Variants in MYOM1 observed in about 807,000 individuals in gnomAD.
MYOM1 encodes the protein myomesin-1.
In MYOM1, 164 loss-of-function variants were observed where a neutral mutation model predicts 205.3. The observed-to-expected ratio is 0.80, with a 90% CI of 0.70 to 0.91. The LOEUF (loss-of-function observed/expected upper bound fraction) is 0.91, where lower values mean the gene tolerates loss of function less well. Ranked by LOEUF, MYOM1 falls within the 40% of genes least tolerant of loss-of-function variation. The probability of loss-of-function intolerance (pLI) is 0.00; values close to 1 mark genes in which losing one functional copy is unlikely to be tolerated. For missense variants in MYOM1, 2,011 were observed against 2,127.3 expected, an observed-to-expected ratio of 0.95 and a Z score of 1.08; for synonymous variants, 772 against 789.4, an observed-to-expected ratio of 0.98 and a Z score of 0.37.
intron 14 of MYOM1, among the ~76,000 whole-genome samples, chr18:3,136,001 A>G (rs1452594183): frequency 6.6e-6 from 1 of 152,034 alleles, no homozygotes; most frequent in Non-Finnish European, 1.5e-5. Flanking sequence ...TGTGGGAGGG[A>G]CCTGGTGGGA....
chr18:3,218,901 A>C (rs1038616735), intron 1 of MYOM1, among the ~76,000 whole-genome samples: 4 of 152,094 alleles, frequency 2.6e-5, no homozygotes, highest in African/African-American at 9.7e-5. Context: ...AATACTTACT[A>C]TTCCTCTCAC....
chr18:3,090,656 ACCATCT>A lies in MYOM1; in HGVS notation c.4005_4009+1del. On this transcript the variant is annotated splice_donor_variant and coding_sequence_variant, in exon 27 of 38. Transcript: ENST00000356443. LOFTEE classifies it high-confidence loss of function. The stretch of plus-strand genomic sequence containing the variant: ...CTGGTTAATGTTCCACGGAATTCTT[ACCATCT>A]CCAACGAGAACAACAGTAGAATGGT... 6.2e-7 allele frequency: 1 copy of A among 1,613,958 alleles called. No homozygotes were observed. The highest frequency in any genetic ancestry group is 1.1e-5 in the South Asian group (1 of 91,082).
At chr18:3,125,078 C>T (rs2079759592) in intron 19 of MYOM1, among the ~76,000 whole-genome samples, 1 of 152,154 alleles carries the variant, frequency 6.6e-6, no homozygotes, top group Admixed American at 6.5e-5. Context: ...TCATTTGACA[C>T]TCAGATTGTC....
chr18:3,071,297 T>C (rs1340245778), intron 37 of MYOM1, among the ~76,000 whole-genome samples: 1 of 152,218 alleles, frequency 6.6e-6, no homozygotes, highest in Non-Finnish European at 1.5e-5. Flanking sequence ...GGTCTACATA[T>C]GTCTATTAGA....
At chr18:3,225,955 C>T in the MYOM1 span, among the ~76,000 whole-genome samples, 1 of 152,138 alleles carries the variant, frequency 6.6e-6, no homozygotes, top group Non-Finnish European at 1.5e-5. Flanking sequence ...CAGTGATTGT[C>T]AGTAAATGAT....
At chr18:3,181,351 G>A (rs960021717) in intron 5 of MYOM1, among the ~76,000 whole-genome samples, 1 of 152,144 alleles carries the variant, frequency 6.6e-6, no homozygotes, top group Admixed American at 6.5e-5. Context: ...GAGAGAGAGA[G>A]AGATCCCATT....
intron 5 of MYOM1, among the ~76,000 whole-genome samples, chr18:3,176,384 A>G (rs1020283305): frequency 2.0e-5 from 3 of 152,234 alleles, no homozygotes; most frequent in Non-Finnish European, 2.9e-5. Flanking sequence ...TCACAGCAAT[A>G]TGGCTGAATA....
Position 3,135,428 on chromosome 18 carries a change from G to C in MYOM1, c.2209+119C>G. On this transcript the variant is annotated intron_variant, in intron 15 of 37. Transcript: ENST00000356443. This position sits in a 1 kb window ranked among gnomAD's most constrained non-coding sequence, Gnocchi z 4.1. ...AATGTATAGGTTAAGTACAGCCATCGAGTAAATTTATAATATGAAAGAAGG... is the reference window on the plus strand; with the variant it reads ...AATGTATAGGTTAAGTACAGCCATCCAGTAAATTTATAATATGAAAGAAGG... 1 of 869,752 alleles carries C rather than the reference G, an allele frequency of 1.1e-6. No individual in the cohort carries two copies. Among genetic ancestry groups the C allele is most frequent in the Non-Finnish European group, 1.7e-6 (1 of 582,064 alleles). 53.9% of individuals were successfully genotyped at this position (869,752 alleles called of 1,614,324 possible). A position where few individuals can be genotyped will look rare whatever the true frequency, so the allele number is the denominator to read the frequency against.
chr18:3,089,615 G>A lies in MYOM1; in HGVS notation c.4010-19C>T. 6.3e-7 allele frequency: 1 copy of A among 1,598,344 alleles called. No individual in the cohort carries two copies. The highest frequency in any genetic ancestry group is 8.5e-7 in the Non-Finnish European group (1 of 1,172,602). ...TTGAAAACTACAAATTGAAAAACAA[G>A]GAAGTGTGAAATTGAGTTGGGTGGT... On this transcript the variant is annotated intron_variant, in intron 27 of 37. Coordinates refer to ENST00000356443, the MANE Select transcript of MYOM1 (RefSeq NM_003803.4).
At chr18:3,149,111 C>T (rs1370911796) in intron 13 of MYOM1, 34 bp downstream of exon 13, 1 of 1,596,294 alleles carries the variant, frequency 6.3e-7, no homozygotes, top group African/African-American at 1.3e-5. Flanking sequence ...AGCAAAACAT[C>T]AGCAATAGTA....
intron 2 of MYOM1, among the ~76,000 whole-genome samples, chr18:3,211,220 C>T (rs751164727): frequency 4.6e-5 from 7 of 152,222 alleles, no homozygotes; most frequent in Non-Finnish European, 8.8e-5. Context: ...AAGGTCCCTG[C>T]TTTCCATAAT....
intron 2 of MYOM1, among the ~76,000 whole-genome samples, chr18:3,199,124 C>A (rs532962752): frequency 1.3e-5 from 2 of 152,290 alleles, no homozygotes; most frequent in South Asian, 4.2e-4. Flanking sequence ...TCCCTTACCC[C>A]CAGCTTAGTC....
At chr18:3,236,020 G>C in the MYOM1 span, among the ~76,000 whole-genome samples, 2 of 152,316 alleles carry the variant, frequency 1.3e-5, no homozygotes, top group African/African-American at 4.8e-5. Context: ...AGACTGGGGA[G>C]GGCAGGAAGT....
chr18:3,169,353 G>A (rs1320931920), intron 8 of MYOM1, among the ~76,000 whole-genome samples: 2 of 152,128 alleles, frequency 1.3e-5, no homozygotes, highest in Non-Finnish European at 2.9e-5. Context: ...TCTACTGCTT[G>A]TACTCTTGGG....
At chr18:3,165,423 T>A (rs1290985156) in intron 9 of MYOM1, among the ~76,000 whole-genome samples, 2 of 152,002 alleles carry the variant, frequency 1.3e-5, no homozygotes, top group African/African-American at 4.8e-5. Flanking sequence ...CAATTATAAG[T>A]GGTAATTTTA....
Position 3,149,145 on chromosome 18 carries a change from C to A in MYOM1, c.1900G>T (p.Glu634Ter). 1 of 1,613,856 alleles carries A rather than the reference C, an allele frequency of 6.2e-7. No individual in the cohort carries two copies. The highest frequency in any genetic ancestry group is 8.5e-7 in the Non-Finnish European group (1 of 1,179,774). The change falls in exon 13 of 38, where the codon GAG (glutamate) becomes TAG (stop). Residue 634 changes from glutamate to a stop codon, truncating the protein, a stop_gained and splice_region_variant. Coordinates refer to ENST00000356443, the MANE Select transcript of MYOM1 (RefSeq NM_003803.4). LOFTEE classifies it high-confidence loss of function. ...QIIVTEEEPS[E>*]GIVPGPPTDL... is the part of the protein sequence containing the mutation. ...TATCTGGGGCAACCAGACTTCTTAC[C>A]TGAAGGTTCCTCTTCAGTAACAATG...
chr18:3,068,923 T>C (rs1036240804), intron 37 of MYOM1, among the ~76,000 whole-genome samples: 1 of 152,112 alleles, frequency 6.6e-6, no homozygotes, highest in Admixed American at 6.5e-5. Context: ...TGTTTCATTT[T>C]TTCTTTATTT....
the MYOM1 span, among the ~76,000 whole-genome samples, chr18:3,240,358 C>T: frequency 1.3e-5 from 2 of 152,082 alleles, no homozygotes; most frequent in Admixed American, 6.5e-5. Context: ...GGGAGGGATC[C>T]GGTGGGAGGT....
At position 3,116,408 on chromosome 18, in the gene MYOM1, CCACGAAGTAACCAGT is replaced by C; in HGVS notation, c.3211_3225del (p.Thr1071_Val1075del). Reference sequence around the variant, plus strand: ...TCTTTGGCCTTGGCCTCCTTCAAGTCCACGAAGTAACCAGTGACCGGAGTCCGCCCGGAGTGGACT... The same window carrying C: ...TCTTTGGCCTTGGCCTCCTTCAAGTCGACCGGAGTCCGCCCGGAGTGGACT... On this transcript the variant is annotated inframe_deletion, in exon 21 of 38. Transcript: ENST00000356443. 1 of 1,613,796 alleles carries C rather than the reference CCACGAAGTAACCAGT, an allele frequency of 6.2e-7. No homozygotes were observed. The highest frequency in any genetic ancestry group is 2.2e-5 in the East Asian group (1 of 44,880).
Sources: allele counts gnomAD v4.1 joint callset (sites outside exome capture counted in the v4.1 genomes callset), GRCh38; gene constraint gnomAD v4.1.1; non-coding constraint Gnocchi (gnomAD v3.1); transcripts MANE v1.5; gene names NCBI Gene and HGNC (gene_info 2026-07-23, HGNC 2026-07-21).